Variants in MGLL observed in about 807,000 individuals in gnomAD.
MGLL encodes the protein lysophospholipase homolog.
MGLL carries 7 observed loss-of-function variants against 29.1 expected under a neutral mutation model. The ratio of observed to expected loss-of-function variants is 0.24; its 90% CI spans 0.14 to 0.45. MGLL has a LOEUF of 0.45. MGLL is among the 20% of genes least tolerant of loss of function. The pLI is 0.99. For missense variants in MGLL, 356 were observed against 413.6 expected (o/e 0.86, Z 1.21); for synonymous variants, 148 against 168.3 (o/e 0.88, Z 0.93).
chr3:127,721,008 C>A, intron 5 of MGLL, 45 bp downstream of exon 5: 6 of 1,534,596 alleles, frequency 3.9e-6, no homozygotes, highest in Non-Finnish European at 5.4e-6. Flanking sequence ...AGACCCATGT[C>A]CCGGGGAACC....
intron 3 of MGLL, among the ~76,000 whole-genome samples, chr3:127,776,527 C>A (rs1267010446): frequency 6.6e-6 from 1 of 152,236 alleles, no homozygotes; most frequent in Non-Finnish European, 1.5e-5. Context: ...TGCCAGCCAC[C>A]CTTCTGGCCC....
chr3:127,754,833 C>T (rs1392741572), intron 3 of MGLL, among the ~76,000 whole-genome samples: 3 of 152,150 alleles, frequency 2.0e-5, no homozygotes, highest in South Asian at 2.1e-4. Context: ...GAGAGGGGCG[C>T]GTGGGGTGTG....
chr3:127,740,458 T>C (rs2076319500), intron 3 of MGLL, among the ~76,000 whole-genome samples: 1 of 152,148 alleles, frequency 6.6e-6, no homozygotes. Context: ...AAAGTCTGAG[T>C]GGACTTCGCA....
At chr3:127,733,563 G>T (rs1172951855) in intron 3 of MGLL, among the ~76,000 whole-genome samples, 1 of 152,208 alleles carries the variant, frequency 6.6e-6, no homozygotes, top group Non-Finnish European at 1.5e-5. Context: ...ACCACTGGAT[G>T]GGAGGAGAGG....
rs1036478083 is a variant in MGLL at position 127,780,107 on chromosome 3, C to T, written c.262+1682G>A. Among the ~76,000 whole-genome samples the T allele has an allele frequency of 5.9e-5, 9 of 152,310 alleles. No homozygotes were observed. The East Asian group carries it at 1.3e-3, about 23-fold the overall frequency. ...TCAACTCTAGATGTTATTCTGGAAA[C>T]ATCAAAAGGTGGGCTGTTTCTTTTC... On this transcript the variant is annotated intron_variant, in intron 3 of 7. Coordinates refer to ENST00000265052, the MANE Select transcript of MGLL (RefSeq NM_007283.7).
At position 127,821,736 on chromosome 3, in the gene MGLL, T is replaced by C. The variant is rs761318504; in HGVS notation, c.113A>G (p.Gln38Arg). 5.6e-6 allele frequency: 9 copies of C among 1,614,056 alleles called. No homozygotes were observed. The East Asian group carries it at 1.6e-4, about 28-fold the overall frequency. Residue 38 changes from glutamine (Q) to arginine (R), a missense_variant, in exon 2 of 8, where the codon CAG becomes CGG. Coordinates refer to ENST00000265052, the MANE Select transcript of MGLL (RefSeq NM_007283.7). ...DLPHLVNADGQYLFCRYWKPT... is the reference protein window; with the variant it reads ...DLPHLVNADGRYLFCRYWKPT... The stretch of plus-strand genomic sequence containing the variant: ...TTTCCAGTACCTGCAGAAGAGGTAC[T>C]GTCCGTCTGCATTGACCAGGTGAGG...
At chr3:127,754,418 T>C (rs1220311454) in intron 3 of MGLL, among the ~76,000 whole-genome samples, 1 of 151,502 alleles carries the variant, frequency 6.6e-6, no homozygotes, top group Non-Finnish European at 1.5e-5. Flanking sequence ...CTGCAAGCCG[T>C]CTTCAGGGAA....
rs564096912 is a variant in MGLL, at chr3:127,707,384, C to T, written c.600+3192G>A. 1.2e-3 allele frequency among the ~76,000 whole-genome samples: 185 copies of T among 152,344 alleles called. 4 individuals carry two copies. In the South Asian group the frequency reaches 0.037, roughly 30 times the overall value. ...CCACAGCGTCCTTGGCCATAGAACT[C>T]TTTAGAATCACGTTCAAGGCTTCTC... On this transcript the variant is annotated intron_variant, in intron 6 of 7. Coordinates refer to ENST00000265052, the MANE Select transcript of MGLL (RefSeq NM_007283.7).
intron 7 of MGLL, among the ~76,000 whole-genome samples, chr3:127,693,222 G>T (rs782443): frequency 0.78 from 118,153 of 152,018 alleles, 46,331 homozygotes; most frequent in African/African-American, 0.87. Flanking sequence ...AAACCCAGGG[G>T]TCGTCCTTCA....
At chr3:127,789,366 T>C (rs2077264880) in intron 2 of MGLL, among the ~76,000 whole-genome samples, 1 of 152,178 alleles carries the variant, frequency 6.6e-6, no homozygotes, top group African/African-American at 2.4e-5. Flanking sequence ...CAATGGGAAT[T>C]AGACTCATCA....
intron 3 of MGLL, among the ~76,000 whole-genome samples, chr3:127,749,566 T>TG (rs2076517207): frequency 1.3e-5 from 2 of 152,190 alleles, no homozygotes; most frequent in Admixed American, 1.3e-4. Flanking sequence ...TGCTGTGTGC[T>TG]GGGGGGATGG....
At chr3:127,811,708 T>C (rs1353039267) in intron 2 of MGLL, among the ~76,000 whole-genome samples, 1 of 152,230 alleles carries the variant, frequency 6.6e-6, no homozygotes. Context: ...CTTGAAAAAC[T>C]GCCACCTTAA....
chr3:127,706,226 A>T (rs1214356038), intron 6 of MGLL, among the ~76,000 whole-genome samples: 1 of 152,136 alleles, frequency 6.6e-6, no homozygotes, highest in African/African-American at 2.4e-5. Context: ...CGGAAGCCCA[A>T]CTGAGCCCAC....
chr3:127,759,487 G>A lies in MGLL; in HGVS notation c.262+22302C>T, dbSNP rs145061387. Reference sequence around the variant, plus strand: ...TGGGTGTGCCTCTCTTCTGAATCACGTGCTCAAGAGGGATGTCTGTGTTCA... The same window carrying A: ...TGGGTGTGCCTCTCTTCTGAATCACATGCTCAAGAGGGATGTCTGTGTTCA... On this transcript the variant is annotated intron_variant, in intron 3 of 7. Coordinates refer to ENST00000265052, the MANE Select transcript of MGLL (RefSeq NM_007283.7). 5.3e-5 allele frequency among the ~76,000 whole-genome samples: 8 copies of A among 152,266 alleles called. No homozygotes were observed. In the South Asian group the frequency reaches 1.5e-3, roughly 28 times the overall value.
At chr3:127,701,890 C>G (rs568590463) in intron 6 of MGLL, among the ~76,000 whole-genome samples, 7 of 152,208 alleles carry the variant, frequency 4.6e-5, no homozygotes, top group Non-Finnish European at 1.0e-4. Flanking sequence ...TAAGCATTTC[C>G]TCCTGTGGAC....
chr3:127,775,873 C>T (rs2077028089), intron 3 of MGLL, among the ~76,000 whole-genome samples: 1 of 152,192 alleles, frequency 6.6e-6, no homozygotes, highest in Non-Finnish European at 1.5e-5. Context: ...TGGGTGGGTC[C>T]ATGTGTGCCC....
rs367562159 is a variant in MGLL, at chr3:127,741,797, C to T, written c.263-19231G>A. 5.3e-5 allele frequency among the ~76,000 whole-genome samples: 8 copies of T among 152,222 alleles called. 1 individual carries two copies. In the South Asian group the frequency reaches 1.7e-3, roughly 31 times the overall value. On this transcript the variant is annotated intron_variant, in intron 3 of 7. Coordinates refer to ENST00000265052, the MANE Select transcript of MGLL (RefSeq NM_007283.7). Reference sequence around the variant, plus strand: ...CAATGTAACAAGCATTTCCTAAATACCTGTTTTGTGTCAGGTCTTGGTTAG... The same window carrying T: ...CAATGTAACAAGCATTTCCTAAATATCTGTTTTGTGTCAGGTCTTGGTTAG...
At chr3:127,792,944 T>A (rs753645406) in intron 2 of MGLL, among the ~76,000 whole-genome samples, 1 of 152,202 alleles carries the variant, frequency 6.6e-6, no homozygotes, top group African/African-American at 2.4e-5. Flanking sequence ...CTGGTTCCCA[T>A]GAAGCAGGCA....
chr3:127,793,728 A>AT (rs1400283293), intron 2 of MGLL, among the ~76,000 whole-genome samples: 16 of 151,846 alleles, frequency 1.1e-4, no homozygotes, highest in African/African-American at 3.1e-4. Flanking sequence ...CGCCCAGCTA[A>AT]TTTTTGTATT....
Sources: gnomAD v4.1 joint callset for allele counts (sites outside exome capture counted in the v4.1 genomes callset) on GRCh38, gnomAD v4.1.1 for gene constraint, MANE v1.5 for transcripts, NCBI Gene and HGNC (gene_info 2026-07-23, HGNC 2026-07-21) for gene names.